AFG2B: variants seen among roughly 807,000 people sequenced by gnomAD.
AFG2B encodes the protein AAA ATPase AFG2B, also known as ATPase family gene 2 protein homolog B.
the AFG2B span, among the ~76,000 whole-genome samples, chr15:45,418,073 G>A: frequency 2.6e-5 from 4 of 152,170 alleles, no homozygotes; most frequent in Non-Finnish European, 5.9e-5. Flanking sequence ...GCCGGGCGTG[G>A]TGGCTCACAT....
the AFG2B span, among the ~76,000 whole-genome samples, chr15:45,408,582 G>A: frequency 6.6e-6 from 1 of 152,212 alleles, no homozygotes; most frequent in African/African-American, 2.4e-5. Flanking sequence ...GAGGCACAGA[G>A]TGTACATTGG....
the AFG2B span, among the ~76,000 whole-genome samples, chr15:45,403,974 A>G: frequency 6.6e-6 from 1 of 152,206 alleles, no homozygotes; most frequent in Admixed American, 6.5e-5. Context: ...ACTAAATGGA[A>G]GCAGGCATTA....
the AFG2B span, chr15:45,402,409 T>TA: frequency 1.5e-4 from 237 of 1,574,946 alleles, no homozygotes; most frequent in Non-Finnish European, 2.0e-4. Flanking sequence ...TGGTTTCGTC[T>TA]GCCTGGTTCA....
chr15:45,409,343 C>T, the AFG2B span, among the ~76,000 whole-genome samples: 112 of 149,410 alleles, frequency 7.5e-4, 1 homozygote, highest in Admixed American at 2.0e-3. Flanking sequence ...CAGCACTGCA[C>T]TCCAACCTGG....
the AFG2B span, chr15:45,418,537 T>C: frequency 8.3e-6 from 13 of 1,571,204 alleles, no homozygotes; most frequent in African/African-American, 1.4e-5. Flanking sequence ...TTTAAAATAC[T>C]GTTTTTTATT....
the AFG2B span, among the ~76,000 whole-genome samples, chr15:45,411,063 A>G: frequency 4.6e-5 from 7 of 152,054 alleles, no homozygotes; most frequent in Non-Finnish European, 8.8e-5. Flanking sequence ...TTAGCTGGGC[A>G]TGCTGGCAGG....
the AFG2B span, chr15:45,414,679 G>T: frequency 6.2e-7 from 1 of 1,614,182 alleles, no homozygotes; most frequent in Non-Finnish European, 8.5e-7. Context: ...AACCACTCTG[G>T]TGAGGGCCCT....
At chr15:45,404,189 A>T in the AFG2B span, among the ~76,000 whole-genome samples, 1 of 152,218 alleles carries the variant, frequency 6.6e-6, no homozygotes, top group African/African-American at 2.4e-5. Flanking sequence ...ATAGGATTCA[A>T]AAGAGAAATG....
the AFG2B span, among the ~76,000 whole-genome samples, chr15:45,412,891 A>G: frequency 1.3e-5 from 2 of 152,236 alleles, no homozygotes; most frequent in Non-Finnish European, 2.9e-5. Context: ...ATTCGCCTAC[A>G]TGTGATCCTG....
chr15:45,410,066 A>T, the AFG2B span, among the ~76,000 whole-genome samples: 9 of 152,348 alleles, frequency 5.9e-5, no homozygotes, highest in Admixed American at 5.9e-4. Context: ...GATAGGTGAA[A>T]GAAGAAAAGT....
At chr15:45,402,518 G>T in the AFG2B span, 2 of 1,604,216 alleles carry the variant, frequency 1.2e-6, no homozygotes, top group East Asian at 2.3e-5. Context: ...CAGCGCTGCC[G>T]CCTGGGCCCG....
the AFG2B span, chr15:45,405,278 T>C: frequency 1.3e-6 from 2 of 1,569,250 alleles, no homozygotes; most frequent in Non-Finnish European, 1.7e-6. Context: ...TATTTTAAAC[T>C]ATATACTTCT....
chr15:45,418,015 T>G, the AFG2B span, among the ~76,000 whole-genome samples: 3 of 152,166 alleles, frequency 2.0e-5, no homozygotes, highest in Non-Finnish European at 4.4e-5. Context: ...TGTATTTGCT[T>G]CTTAAGCCAT....
chr15:45,421,045 T>C, the AFG2B span: 1 of 1,607,454 alleles, frequency 6.2e-7, no homozygotes, highest in African/African-American at 1.3e-5. Flanking sequence ...CTTAATAGGC[T>C]GCTTTGCTGG....
the AFG2B span, chr15:45,407,141 A>C: frequency 7.8e-7 from 1 of 1,286,698 alleles, no homozygotes; most frequent in Non-Finnish European, 1.0e-6. Context: ...TAGTTACCAC[A>C]GGTGATGGCT....
At chr15:45,421,087 A>G in the AFG2B span, 4 of 1,613,672 alleles carry the variant, frequency 2.5e-6, no homozygotes, top group African/African-American at 2.7e-5. Context: ...ACGCAACTAC[A>G]GTGAAACAAG....
chr15:45,418,528 T>C, the AFG2B span: 1 of 1,567,610 alleles, frequency 6.4e-7, no homozygotes, highest in South Asian at 1.2e-5. Flanking sequence ...GTTATAAGAT[T>C]TAAAATACTG....
the AFG2B span, among the ~76,000 whole-genome samples, chr15:45,413,510 A>C: frequency 6.6e-6 from 1 of 152,190 alleles, no homozygotes; most frequent in Non-Finnish European, 1.5e-5. Flanking sequence ...TAGCATCAGA[A>C]CTTTGTCCCT....
the AFG2B span, among the ~76,000 whole-genome samples, chr15:45,419,724 G>C: frequency 6.6e-6 from 1 of 151,912 alleles, no homozygotes; most frequent in Non-Finnish European, 1.5e-5. Flanking sequence ...TCTTCCAAAA[G>C]AGAACTATTG....
Sources: allele counts gnomAD v4.1 joint callset (sites outside exome capture counted in the v4.1 genomes callset), GRCh38; gene constraint gnomAD v4.1.1; transcripts MANE v1.5; gene names NCBI Gene and HGNC (gene_info 2026-07-23, HGNC 2026-07-21).